Variants in TMA16 observed in about 807,000 individuals in gnomAD.
TMA16 encodes the protein translation machinery-associated protein 16.
TMA16 carries 26 observed loss-of-function variants against 27.1 expected under a neutral mutation model. The observed-to-expected ratio is 0.96, with a 90% CI of 0.70 to 1.33. The LOEUF is 1.33. Ranked by LOEUF, TMA16 falls within the 40% of genes most tolerant of loss-of-function variation. TMA16 has a pLI of 0.00. For missense variants in TMA16, 233 were observed against 241.4 expected (o/e 0.97, Z 0.23); for synonymous variants, 71 against 81.9 (o/e 0.87, Z 0.72).
intron 1 of TMA16, among the ~76,000 whole-genome samples, chr4:163,504,829 G>A (rs187075938): frequency 6.6e-5 from 10 of 152,242 alleles, no homozygotes; most frequent in Admixed American, 2.0e-4. Context: ...GCTGTTGGTA[G>A]GATTGTTAAG....
chr4:163,520,062 G>A lies in TMA16; in HGVS notation c.*548G>A. The A allele has an allele frequency of 1.7e-6, 1 of 573,440 alleles. No individual in the cohort carries two copies. Among genetic ancestry groups the A allele is most frequent in the Non-Finnish European group, 3.1e-6 (1 of 319,000 alleles). 35.5% of individuals were successfully genotyped at this position (573,440 alleles called of 1,614,324 possible). On this transcript the variant is annotated 3_prime_UTR_variant, in exon 7 of 7. Transcript: ENST00000358572. ...TTTATCTTTTGAACCAGAGCTAAAT[G>A]GTAAAAGAAAAAAAATCAGTGATGA...
At chr4:163,504,583 C>T (rs1181517836) in intron 1 of TMA16, among the ~76,000 whole-genome samples, 1 of 152,144 alleles carries the variant, frequency 6.6e-6, no homozygotes, top group Non-Finnish European at 1.5e-5. Context: ...CTGCAGTCTC[C>T]ACCTCCGTAG....
At chr4:163,496,063 C>T (rs965684825) in intron 1 of TMA16, among the ~76,000 whole-genome samples, 3 of 152,158 alleles carry the variant, frequency 2.0e-5, no homozygotes, top group Admixed American at 6.5e-5. Flanking sequence ...AGTAGAAGTA[C>T]GTTGCTTTGG....
intron 1 of TMA16, among the ~76,000 whole-genome samples, chr4:163,503,760 G>A (rs1184516431): frequency 6.6e-6 from 1 of 152,104 alleles, no homozygotes; most frequent in Non-Finnish European, 1.5e-5. Context: ...TTTTATGATA[G>A]AGTTTTACTT....
At chr4:163,506,567 A>T (rs908388326) in intron 1 of TMA16, among the ~76,000 whole-genome samples, 4 of 152,184 alleles carry the variant, frequency 2.6e-5, no homozygotes, top group Admixed American at 1.3e-4. Flanking sequence ...CCTAATTTGT[A>T]CAGGCAATGA....
At chr4:163,515,219 C>A in intron 4 of TMA16, 94 bp from the exon 5 acceptor site, 1 of 1,261,446 alleles carries the variant, frequency 7.9e-7, no homozygotes, top group East Asian at 2.6e-5. Context: ...CATTTAAAGG[C>A]CACATGAAGG....
intron 2 of TMA16, among the ~76,000 whole-genome samples, chr4:163,511,659 T>TAA (rs113693545): frequency 3.3e-5 from 4 of 121,012 alleles, no homozygotes; most frequent in Non-Finnish European, 5.4e-5. Context: ...AAAATAAAAG[T>TAA]AAAAAAAAAA....
At chr4:163,499,837 AT>A (rs1191161355) in intron 1 of TMA16, among the ~76,000 whole-genome samples, 3 of 152,126 alleles carry the variant, frequency 2.0e-5, no homozygotes, top group Non-Finnish European at 4.4e-5. Flanking sequence ...ATTTATTTAC[AT>A]TTTTTGAGTG....
chr4:163,507,236 C>A, intron 2 of TMA16, 91 bp downstream of exon 2: 1 of 1,114,580 alleles, frequency 9.0e-7, no homozygotes, highest in Non-Finnish European at 1.3e-6. Flanking sequence ...ACAGTATTGT[C>A]TCCCTTTCAT....
At chr4:163,498,643 ATCTT>A (rs1737598802) in intron 1 of TMA16, among the ~76,000 whole-genome samples, 1 of 152,104 alleles carries the variant, frequency 6.6e-6, no homozygotes, top group African/African-American at 2.4e-5. Context: ...GATGGGTACT[ATCTT>A]TATTTTTATT....
chr4:163,513,316 TACTG>T (rs1445244714), intron 3 of TMA16, among the ~76,000 whole-genome samples: 1 of 152,222 alleles, frequency 6.6e-6, no homozygotes, highest in Non-Finnish European at 1.5e-5. Flanking sequence ...GAGATTTAAA[TACTG>T]ACTGTTAGGC....
rs551428652 is a variant in TMA16 at position 163,503,566 on chromosome 4, A to G, written c.4-3467A>G. ...TCTATTATGTCGTTTTGAATAAACT[A>G]TGTGTTTTTTTGTTACTTCTAGTTA... On this transcript the variant is annotated intron_variant, in intron 1 of 6. Transcript: ENST00000358572. Among the ~76,000 whole-genome samples the G allele has an allele frequency of 5.9e-5, 9 of 152,312 alleles. No homozygotes were observed. In the East Asian group the frequency reaches 1.3e-3, roughly 23 times the overall value.
At chr4:163,519,309 C>CT (rs374376787) in intron 6 of TMA16, 25 bp from the exon 7 acceptor site, 33,052 of 1,103,296 alleles carry the variant, frequency 0.03, no homozygotes, top group South Asian at 0.036. Flanking sequence ...ACTCTGCACT[C>CT]TTTTTTTTTT....
chr4:163,514,578 ATAGC>A (rs1737847850), intron 4 of TMA16, among the ~76,000 whole-genome samples: 1 of 152,250 alleles, frequency 6.6e-6, no homozygotes, highest in African/African-American at 2.4e-5. Flanking sequence ...ACAATAAGTG[ATAGC>A]TAGCTCATGA....
chr4:163,497,158 A>G (rs1737565547), intron 1 of TMA16, among the ~76,000 whole-genome samples: 2 of 152,296 alleles, frequency 1.3e-5, no homozygotes, highest in East Asian at 1.9e-4. Context: ...GACTACCTTA[A>G]TGGTAGAGAT....
At chr4:163,507,581 T>A (rs1737736072) in intron 2 of TMA16, among the ~76,000 whole-genome samples, 1 of 152,020 alleles carries the variant, frequency 6.6e-6, no homozygotes, top group African/African-American at 2.4e-5. Context: ...GAGAATAGGT[T>A]AGGGGTATTG....
In TMA16 at chr4:163,495,567, A is replaced by G. The variant is rs564349168; in HGVS notation, c.3+763A>G. ...TGAAACAGTATGTTGTTTCTTGCCT[A>G]TTTTTTACGTAATCGTTGTGTTCTT... On this transcript the variant is annotated intron_variant, in intron 1 of 6. Coordinates refer to ENST00000358572, the MANE Select transcript of TMA16 (RefSeq NM_018352.3). Among the ~76,000 whole-genome samples the G allele has an allele frequency of 7.2e-5, 11 of 152,178 alleles. No individual in the cohort carries two copies. In the South Asian group the frequency reaches 2.1e-3, roughly 29 times the overall value.
intron 1 of TMA16, among the ~76,000 whole-genome samples, chr4:163,498,498 G>A (rs372984154): frequency 7.9e-5 from 12 of 151,670 alleles, no homozygotes; most frequent in Admixed American, 2.0e-4. Flanking sequence ...CGTGTTAGCC[G>A]GGATGGTCTC....
chr4:163,506,999 G>T, intron 1 of TMA16, 34 bp from the exon 2 acceptor site: 1 of 1,514,508 alleles, frequency 6.6e-7, no homozygotes, highest in South Asian at 1.2e-5. Context: ...TTACATATCT[G>T]ACTATATGTG....
Sources: gnomAD v4.1 joint callset for allele counts (sites outside exome capture counted in the v4.1 genomes callset) on GRCh38, gnomAD v4.1.1 for gene constraint, MANE v1.5 for transcripts, NCBI Gene and HGNC (gene_info 2026-07-23, HGNC 2026-07-21) for gene names.